Variants in CELF2 observed in about 807,000 individuals in gnomAD.
The protein encoded by CELF2 is CUG triplet repeat RNA-binding protein 2.
In CELF2, 8 loss-of-function variants were observed where a neutral mutation model predicts 62.6. The observed-to-expected ratio is 0.13, with a 90% CI of 0.07 to 0.23. The LOEUF (loss-of-function observed/expected upper bound fraction) is 0.23, where lower values mean the gene tolerates loss of function less well. Among genes scored for constraint, CELF2 ranks in the 10% least tolerant of loss-of-function variants. The pLI is 1.00. For synonymous variants in CELF2, 258 were observed against 250.0 expected, an observed-to-expected ratio of 1.03 and a Z score of -0.30; for missense variants, 333 against 671.0, an observed-to-expected ratio of 0.50 and a Z score of 5.56.
intron 1 of CELF2, among the ~76,000 whole-genome samples, chr10:10,886,987 C>T (rs978443810): frequency 6.6e-6 from 1 of 152,152 alleles, no homozygotes; most frequent in African/African-American, 2.4e-5. Flanking sequence ...CAGATTTTTG[C>T]CTGGGTGTCA....
At chr10:10,565,431 G>A in the CELF2 span, among the ~76,000 whole-genome samples, 1 of 152,314 alleles carries the variant, frequency 6.6e-6, no homozygotes, top group South Asian at 2.1e-4. Flanking sequence ...GAATAAAAAT[G>A]CTTTCAAATG....
intron 2 of CELF2, among the ~76,000 whole-genome samples, chr10:10,967,275 C>T (rs549813940): frequency 6.6e-6 from 1 of 152,232 alleles, no homozygotes; most frequent in African/African-American, 2.4e-5. Flanking sequence ...ATGGTTGGTA[C>T]GAGAGTAGGT....
At chr10:10,584,386 C>A in the CELF2 span, among the ~76,000 whole-genome samples, 1 of 152,074 alleles carries the variant, frequency 6.6e-6, no homozygotes, top group Non-Finnish European at 1.5e-5. Context: ...TACAGCTGGG[C>A]GTATGCCTTA....
chr10:10,768,323 C>T, the CELF2 span, among the ~76,000 whole-genome samples: 8 of 152,166 alleles, frequency 5.3e-5, no homozygotes, highest in African/African-American at 1.9e-4. Context: ...CAAAGCCCTG[C>T]ATGGGATTAG....
chr10:11,204,786 C>T (rs1230730472), intron 2 of CELF2, among the ~76,000 whole-genome samples: 2 of 152,230 alleles, frequency 1.3e-5, no homozygotes, highest in African/African-American at 4.8e-5. Context: ...ACATCTCCTC[C>T]TCCCCGTCCT....
chr10:10,627,075 G>T, the CELF2 span, among the ~76,000 whole-genome samples: 1 of 152,090 alleles, frequency 6.6e-6, no homozygotes, highest in African/African-American at 2.4e-5. Context: ...AGAAATCAAA[G>T]TTCCTGGGCC....
At chr10:11,032,137 G>A (rs1168034066) in intron 1 of CELF2, among the ~76,000 whole-genome samples, 1 of 64,090 alleles carries the variant, frequency 1.6e-5, no homozygotes, top group African/African-American at 4.1e-5. Flanking sequence ...GCTCCACATA[G>A]GGCTTAGCCA....
chr10:10,478,740 T>G, the CELF2 span, among the ~76,000 whole-genome samples: 1 of 152,120 alleles, frequency 6.6e-6, no homozygotes, highest in Non-Finnish European at 1.5e-5. Context: ...CTTGAATGGG[T>G]CTTTATTTGG....
At chr10:10,479,931 C>G in the CELF2 span, among the ~76,000 whole-genome samples, 2 of 152,172 alleles carry the variant, frequency 1.3e-5, no homozygotes, top group Non-Finnish European at 1.5e-5. Context: ...ATTGTCTTAA[C>G]CAAGCATCAT....
intron 1 of CELF2, among the ~76,000 whole-genome samples, chr10:11,083,569 A>G (rs2074606401): frequency 6.6e-6 from 1 of 152,178 alleles, no homozygotes; most frequent in Admixed American, 6.5e-5. Flanking sequence ...CTCCCTCTCT[A>G]GAACCTCAGT....
rs2094542091 is a variant in CELF2, at chr10:11,311,184, T to C, written c.977-2955T>C. Among the ~76,000 whole-genome samples the C allele has an allele frequency of 6.6e-6, 1 of 152,206 alleles. No individual in the cohort carries two copies. The highest frequency in any genetic ancestry group is 2.4e-5 in the African/African-American group (1 of 41,446). ...AAGGAAAACTGACTATCTCAAAACATAGTGCTGGGTAGGGCCAGGGGAATT... is the reference window on the plus strand; with the variant it reads ...AAGGAAAACTGACTATCTCAAAACACAGTGCTGGGTAGGGCCAGGGGAATT... On this transcript the variant is annotated intron_variant, in intron 9 of 12. Transcript: ENST00000633077. This position sits in a 1 kb window ranked among gnomAD's most constrained non-coding sequence, Gnocchi z 4.7.
rs569498436 is a variant in CELF2 at position 11,321,712 on chromosome 10, A to C, written c.1294+326A>C. ...CCCTCTCTCTCAAACAAAAGCAAAA[A>C]CCTATTTATTTCAGTCTTTCTCACT... On this transcript the variant is annotated intron_variant, in intron 11 of 12. Coordinates refer to ENST00000633077, the MANE Select transcript of CELF2 (RefSeq NM_001326342.2). This position sits in a 1 kb window ranked among gnomAD's most constrained non-coding sequence, Gnocchi z 6.2. Among the ~76,000 whole-genome samples, 1 of 151,796 alleles carries C rather than the reference A, an allele frequency of 6.6e-6. No individual in the cohort carries two copies. The highest frequency in any genetic ancestry group is 1.5e-5 in the Non-Finnish European group (1 of 67,946).
At chr10:11,264,669 CAG>C (rs1411883773) in intron 5 of CELF2, among the ~76,000 whole-genome samples, 1 of 152,220 alleles carries the variant, frequency 6.6e-6, no homozygotes, top group Non-Finnish European at 1.5e-5. Context: ...TGGATCACCT[CAG>C]AGCTCAGCAT....
intron 3 of CELF2, among the ~76,000 whole-genome samples, chr10:11,232,050 G>T (rs1340790760): frequency 6.6e-6 from 1 of 151,952 alleles, no homozygotes; most frequent in Non-Finnish European, 1.5e-5. Flanking sequence ...GTGCAGGTTT[G>T]TTACTTATGT....
chr10:10,930,700 G>A (rs946342819), intron 2 of CELF2, among the ~76,000 whole-genome samples: 3 of 152,096 alleles, frequency 2.0e-5, no homozygotes, highest in Admixed American at 6.5e-5. Context: ...TTCCTCATTT[G>A]CTATGTAAAA....
the CELF2 span, among the ~76,000 whole-genome samples, chr10:10,645,757 G>A: frequency 1.3e-5 from 2 of 152,236 alleles, no homozygotes; most frequent in Non-Finnish European, 2.9e-5. Context: ...CCTACAAAGT[G>A]CCTGGTGGGG....
chr10:10,727,242 C>A, the CELF2 span, among the ~76,000 whole-genome samples: 3 of 152,302 alleles, frequency 2.0e-5, no homozygotes, highest in South Asian at 6.2e-4. Flanking sequence ...TTCCAGGAAT[C>A]CCTTTCAGGG....
chr10:11,273,869 G>A (rs772606314), intron 7 of CELF2, among the ~76,000 whole-genome samples: 13 of 151,866 alleles, frequency 8.6e-5, no homozygotes, highest in Non-Finnish European at 1.9e-4. Context: ...TTACAGGCAT[G>A]TGCCACCACA....
the CELF2 span, among the ~76,000 whole-genome samples, chr10:10,736,392 CT>C: frequency 1.3e-5 from 1 of 77,996 alleles, no homozygotes; most frequent in African/African-American, 5.3e-5. Flanking sequence ...TTCTTTCTTT[CT>C]TTCTTTTTTT....
Sources: allele counts gnomAD v4.1 joint callset (sites outside exome capture counted in the v4.1 genomes callset), GRCh38; gene constraint gnomAD v4.1.1; non-coding constraint Gnocchi (gnomAD v3.1); transcripts MANE v1.5; gene names NCBI Gene and HGNC (gene_info 2026-07-23, HGNC 2026-07-21).